Variants in FMNL3 observed in about 807,000 individuals in gnomAD.
The protein encoded by FMNL3 is formin like 3, also known as formin-like protein 3.
Under a neutral mutation model 119.6 loss-of-function variants are expected in FMNL3, and 57 were observed. The observed-to-expected ratio is 0.48, with a 90% CI of 0.39 to 0.59. The LOEUF is 0.59. Among genes scored for constraint, FMNL3 ranks in the 20% least tolerant of loss-of-function variants. FMNL3 has a pLI of 0.00. For synonymous variants in FMNL3, 491 were observed against 507.3 expected (o/e 0.97, Z 0.43); for missense variants, 1,053 against 1,323.5 (o/e 0.80, Z 3.17).
intron 2 of FMNL3, 132 bp downstream of exon 2, chr12:49,668,339 A>C: frequency 1.3e-6 from 1 of 780,718 alleles, no homozygotes; most frequent in South Asian, 1.7e-5. Context: ...AAGAAAGTGA[A>C]CACAGATGAG....
rs144855915 is a variant in FMNL3 at position 49,643,802 on chromosome 12, T to A, written c.*2013A>T. 14 of 1,613,864 alleles carry A rather than the reference T, an allele frequency of 8.7e-6. No homozygotes were observed. In the African/African-American group the frequency reaches 1.7e-4, roughly 20 times the overall value. On this transcript the variant is annotated 3_prime_UTR_variant, in exon 26 of 26. Transcript: ENST00000335154. ...GCCCCTGCTATTTTGTGAGTTCTGT[T>A]CTACCTGCCTCCCAGGCTATCCACA...
In FMNL3 at chr12:49,656,469, C is replaced by T. The variant is rs1211143057; in HGVS notation, c.820G>A (p.Ala274Thr). 2 of 1,614,068 alleles carry T rather than the reference C, an allele frequency of 1.2e-6. No individual in the cohort carries two copies. Among genetic ancestry groups the T allele is most frequent in the Non-Finnish European group, 1.7e-6 (2 of 1,179,984 alleles). ...CCTCCTCGCACCAAACACACAGCTG[C>T]CAGAAGCTCTAAGACAAGGGCTTTG... ...RTKALVLELLAAVCLVRGGHE... is the reference protein window; with the variant it reads ...RTKALVLELLTAVCLVRGGHE... The change falls in exon 9 of 26, where the codon GCA becomes ACA. Residue 274 changes from alanine (A) to threonine (T), a missense_variant. Coordinates refer to ENST00000335154, the MANE Select transcript of FMNL3 (RefSeq NM_175736.5).
chr12:49,659,712 C>A (rs1264016955), intron 5 of FMNL3: 1 of 952,314 alleles, frequency 1.1e-6, no homozygotes, highest in African/African-American at 1.8e-5. Flanking sequence ...CTGCACCCAG[C>A]GACCGTCAGC....
chr12:49,656,975 G>A, intron 7 of FMNL3, 76 bp from the exon 8 acceptor site: 1 of 1,525,676 alleles, frequency 6.6e-7, no homozygotes, highest in South Asian at 1.1e-5. Context: ...TTGACCGTAG[G>A]CCCACCAGCA....
chr12:49,643,404 A>G lies in FMNL3; in HGVS notation c.*2411T>C. ...TCCCATCTTCTTGGAGCAGGTAAGC[A>G]GTTGCTGTGAGCGTAGAAGCTGGAG... On this transcript the variant is annotated 3_prime_UTR_variant, in exon 26 of 26. Transcript: ENST00000335154. 1 of 1,545,046 alleles carries G rather than the reference A, an allele frequency of 6.5e-7. No individual in the cohort carries two copies. Among genetic ancestry groups the G allele is most frequent in the Non-Finnish European group, 8.7e-7 (1 of 1,148,530 alleles).
intron 5 of FMNL3, among the ~76,000 whole-genome samples, chr12:49,659,535 C>T (rs1036774120): frequency 1.2e-4 from 18 of 152,084 alleles, no homozygotes; most frequent in African/African-American, 3.1e-4. Context: ...CTCAGCCTCC[C>T]GAGTAGCTGG....
At chr12:49,677,210 T>C (rs1258306297) in intron 1 of FMNL3, among the ~76,000 whole-genome samples, 2 of 152,226 alleles carry the variant, frequency 1.3e-5, no homozygotes, top group African/African-American at 4.8e-5. Flanking sequence ...CATTTACTAA[T>C]TACTTTTAAA....
At chr12:49,654,155 A>C (rs752407873) in intron 11 of FMNL3, 37 bp downstream of exon 11, 1 of 1,577,170 alleles carries the variant, frequency 6.3e-7, no homozygotes, top group Admixed American at 1.7e-5. Flanking sequence ...AACTGATCCC[A>C]AAGCACCTCA....
rs191960874 is a variant in FMNL3 at position 49,700,130 on chromosome 12, C to T, written c.126+6925G>A. 4.5e-3 allele frequency among the ~76,000 whole-genome samples: 685 copies of T among 152,266 alleles called. 3 individuals are homozygous for T. Among genetic ancestry groups the T allele is most frequent in the Non-Finnish European group, 5.4e-3 (370 of 68,018 alleles). ...GATTTTAGGCTGGGCGTGGTGCTCA[C>T]GCCTGTAATCCCAGCACTTTGGGAG... On this transcript the variant is annotated intron_variant, in intron 1 of 25. Transcript: ENST00000335154.
At chr12:49,656,536 C>G (rs745736495) in intron 8 of FMNL3, 39 bp from the exon 9 acceptor site, 182 of 1,560,720 alleles carry the variant, frequency 1.2e-4, no homozygotes, top group Non-Finnish European at 1.6e-4. Context: ...CCTAACTCCC[C>G]ATCCTGACAA....
intron 10 of FMNL3, among the ~76,000 whole-genome samples, 171 bp downstream of exon 10, chr12:49,654,739 A>C (rs932716719): frequency 6.6e-6 from 1 of 152,196 alleles, no homozygotes; most frequent in Non-Finnish European, 1.5e-5. Flanking sequence ...GATATCCTGA[A>C]GTTTCTAAGA....
Position 49,644,623 on chromosome 12 carries a change from G to GTGTTTTGTTTTT in FMNL3, c.*1180_*1191dup, listed in dbSNP as rs1943083439. On this transcript the variant is annotated 3_prime_UTR_variant, in exon 26 of 26. Transcript: ENST00000335154. The stretch of plus-strand genomic sequence containing the variant: ...CCTCCACCCAGGACCTAATGTACGT[G>GTGTTTTGTTTTT]TGTTTTGTTTTTTGTTTTTTAAATA... 2 of 190,246 alleles carry GTGTTTTGTTTTT rather than the reference G, an allele frequency of 1.1e-5. No homozygotes were observed. The highest frequency in any genetic ancestry group is 4.7e-5 in the African/African-American group (2 of 42,736). The allele number at this position is 190,246 out of a possible 1,614,324, so 11.8% of individuals were successfully genotyped here.
intron 1 of FMNL3, among the ~76,000 whole-genome samples, chr12:49,686,591 A>G (rs544952403): frequency 1.3e-5 from 2 of 151,404 alleles, no homozygotes; most frequent in East Asian, 2.0e-4. Context: ...AAAAAAAAAA[A>G]AAAAAAAAAG....
In FMNL3 at chr12:49,642,355, G is replaced by C; in HGVS notation, c.*3460C>G. ...GCAGGCTGTGCCTGCTCTGGAGCTA[G>C]GCACTGCCTGGGAAGAGGTCAGGAG... On this transcript the variant is annotated 3_prime_UTR_variant, in exon 26 of 26. Coordinates refer to ENST00000335154, the MANE Select transcript of FMNL3 (RefSeq NM_175736.5). This position sits in a 1 kb window ranked among gnomAD's most constrained non-coding sequence, Gnocchi z 5.8. 1.2e-6 allele frequency: 2 copies of C among 1,613,876 alleles called. No homozygotes were observed. The highest frequency in any genetic ancestry group is 1.7e-6 in the Non-Finnish European group (2 of 1,180,026).
Position 49,658,492 on chromosome 12 carries a change from C to T in FMNL3, c.555G>A (p.Ser185=), listed in dbSNP as rs775630456. The T allele has an allele frequency of 1.2e-5, 19 of 1,613,222 alleles. No homozygotes were observed. Among genetic ancestry groups the T allele is most frequent in the African/African-American group, 5.3e-5 (4 of 74,884 alleles). Reference sequence around the variant, plus strand: ...GAGCGAGGCTGTTGGTGAAGGGGGCCGACAGGGCGCTGGGTGGCTGCAGGT... The same window carrying T: ...GAGCGAGGCTGTTGGTGAAGGGGGCTGACAGGGCGCTGGGTGGCTGCAGGT... ...IEDLQPPSAL[S]APFTNSLARS... Residue 185 remains serine, a synonymous_variant, in exon 6 of 26, where the codon TCG becomes TCA. Transcript: ENST00000335154.
At chr12:49,680,274 C>T (rs73305100) in intron 1 of FMNL3, among the ~76,000 whole-genome samples, 1,563 of 152,340 alleles carry the variant, frequency 0.01, 30 homozygotes, top group African/African-American at 0.036. Flanking sequence ...GAATCCCTTC[C>T]TACTTCCAGA....
chr12:49,637,495 C>T lies in FMNL3; in HGVS notation c.*8320G>A, dbSNP rs1363811383. ...ACCTTCCTGGACGAGCTGCATGAGA[C>T]AGGGCAGCTGCACTCTATGTCCACC... On this transcript the variant is annotated 3_prime_UTR_variant, in exon 26 of 26. Coordinates refer to ENST00000335154, the MANE Select transcript of FMNL3 (RefSeq NM_175736.5). 3 of 1,613,684 alleles carry T rather than the reference C, an allele frequency of 1.9e-6. No homozygotes were observed. Among genetic ancestry groups the T allele is most frequent in the Non-Finnish European group, 2.5e-6 (3 of 1,179,968 alleles).
rs373298897 is a variant in FMNL3, at chr12:49,686,503, G to A, written c.127-17949C>T. 6.0e-5 allele frequency among the ~76,000 whole-genome samples: 9 copies of A among 150,596 alleles called. No homozygotes were observed. In the East Asian group the frequency reaches 1.2e-3, roughly 20 times the overall value. On this transcript the variant is annotated intron_variant, in intron 1 of 25. Coordinates refer to ENST00000335154, the MANE Select transcript of FMNL3 (RefSeq NM_175736.5). ...TGAGGCAGGAGAATGGCATGAACTC[G>A]GGAGGCGGAGCTTGCAGTGAGCAGA...
intron 1 of FMNL3, among the ~76,000 whole-genome samples, chr12:49,685,605 T>G (rs1944437070): frequency 6.6e-6 from 1 of 152,114 alleles, no homozygotes; most frequent in South Asian, 2.1e-4. Context: ...CCAACATTAT[T>G]GAGTATAAAA....
Sources: allele counts gnomAD v4.1 joint callset (sites outside exome capture counted in the v4.1 genomes callset), GRCh38; gene constraint gnomAD v4.1.1; non-coding constraint Gnocchi (gnomAD v3.1); transcripts MANE v1.5; gene names NCBI Gene and HGNC (gene_info 2026-07-23, HGNC 2026-07-21).